LGR4: variants seen among roughly 807,000 people sequenced by gnomAD.
LGR4 encodes the protein leucine-rich repeat-containing G protein-coupled receptor 4.
Under a neutral mutation model 84.8 loss-of-function variants are expected in LGR4, and 44 were observed. The observed-to-expected ratio is 0.52, with a 90% CI of 0.41 to 0.67. The LOEUF (loss-of-function observed/expected upper bound fraction) is 0.67. Ranked by LOEUF, LGR4 falls within the 30% of genes least tolerant of loss-of-function variation. The probability of loss-of-function intolerance (pLI) is 0.00; values close to 1 mark genes in which losing one functional copy is unlikely to be tolerated. For synonymous variants in LGR4, 429 were observed against 434.3 expected (o/e 0.99, Z 0.15); for missense variants, 1,032 against 1,131.4 (o/e 0.91, Z 1.26).
Position 27,412,853 on chromosome 11 carries a change from T to C in LGR4, c.193A>G (p.Ser65Gly). The change falls in exon 2 of 18, where the codon AGT becomes GGT. Residue 65 changes from serine to glycine, a missense_variant. Ser to Gly is a moderately conservative substitution (Grantham distance 56). Transcript: ENST00000379214. The stretch of plus-strand genomic sequence containing the variant: ...GGCAACTGAGTAATGTTGTTCATAC[T>C]GATATCCCTGGAAAACGTAAAGTTA... The part of the protein sequence containing the change: ...LSAFTQALDI[S>G]MNNITQLPED... 3 of 1,596,042 alleles carry C rather than the reference T, an allele frequency of 1.9e-6. No homozygotes were observed. Among genetic ancestry groups the C allele is most frequent in the Non-Finnish European group, 1.7e-6 (2 of 1,164,292 alleles).
At chr11:27,425,842 A>T (rs1319017061) in intron 1 of LGR4, among the ~76,000 whole-genome samples, 1 of 152,138 alleles carries the variant, frequency 6.6e-6, no homozygotes, top group Non-Finnish European at 1.5e-5. Flanking sequence ...AATATGAAAA[A>T]CTTAAACTTA....
intron 2 of LGR4, among the ~76,000 whole-genome samples, chr11:27,411,478 C>CT (rs1427613588): frequency 6.6e-6 from 1 of 150,532 alleles, no homozygotes; most frequent in Non-Finnish European, 1.5e-5. Context: ...TGCTTTTTTT[C>CT]TTATGCACTT....
In LGR4 at chr11:27,367,787, C is replaced by G; in HGVS notation, c.*80G>C. On this transcript the variant is annotated 3_prime_UTR_variant, in exon 18 of 18. Coordinates refer to ENST00000379214, the MANE Select transcript of LGR4 (RefSeq NM_018490.5). ...CAGGCAGTGATTACAGAAGTGCTTC[C>G]CAGATGAAAGATGAGAATAGGGTTC... is the stretch of plus-strand genomic sequence containing the variant. 3.8e-6 allele frequency: 4 copies of G among 1,050,406 alleles called. No homozygotes were observed. Among genetic ancestry groups the G allele is most frequent in the Admixed American group, 2.4e-5 (1 of 41,276 alleles). 65.1% of individuals were successfully genotyped at this position (1,050,406 alleles called of 1,614,324 possible). A position where few individuals can be genotyped will look rare whatever the true frequency, so the allele number is the denominator to read the frequency against.
chr11:27,436,393 G>C (rs1012947012), intron 1 of LGR4, among the ~76,000 whole-genome samples: 1 of 151,014 alleles, frequency 6.6e-6, no homozygotes, highest in Non-Finnish European at 1.5e-5. Context: ...GAGGATGGGA[G>C]GGGAGGGGAG....
Position 27,371,612 on chromosome 11 carries a change from T to G in LGR4, c.1579+3A>C. 5.0e-6 allele frequency: 8 copies of G among 1,603,796 alleles called. No individual in the cohort carries two copies. The highest frequency in any genetic ancestry group is 6.0e-6 in the Non-Finnish European group (7 of 1,172,136). On this transcript the variant is annotated splice_donor_region_variant and intron_variant, in intron 17 of 17. Coordinates refer to ENST00000379214, the MANE Select transcript of LGR4 (RefSeq NM_018490.5). The stretch of plus-strand genomic sequence containing the variant: ...TAACTGTGAAAAAATAGGCCAGGCA[T>G]ACCTGTTGAAGGTGTACAATGGATA...
chr11:27,394,434 ACT>A (rs1863347960), intron 2 of LGR4, among the ~76,000 whole-genome samples: 1 of 151,806 alleles, frequency 6.6e-6, no homozygotes, highest in Non-Finnish European at 1.5e-5. Context: ...ACGGAGTCTC[ACT>A]CTGTCGCCCA....
intron 1 of LGR4, among the ~76,000 whole-genome samples, chr11:27,433,630 C>G (rs1316964043): frequency 1.3e-5 from 2 of 152,150 alleles, no homozygotes; most frequent in East Asian, 3.9e-4. Flanking sequence ...ACCCTATTAT[C>G]ATGTAAGCGG....
At chr11:27,385,871 A>T (rs1863178610) in intron 4 of LGR4, among the ~76,000 whole-genome samples, 1 of 151,988 alleles carries the variant, frequency 6.6e-6, no homozygotes, top group Admixed American at 6.6e-5. Flanking sequence ...CCAATGTTAC[A>T]TTATAACTAA....
chr11:27,423,442 C>G (rs1157559756), intron 1 of LGR4, among the ~76,000 whole-genome samples: 1 of 152,046 alleles, frequency 6.6e-6, no homozygotes, highest in Non-Finnish European at 1.5e-5. Flanking sequence ...CAAACACATA[C>G]CCCACACACA....
At chr11:27,459,312 C>A (rs1864632669) in intron 1 of LGR4, among the ~76,000 whole-genome samples, 1 of 152,130 alleles carries the variant, frequency 6.6e-6, no homozygotes, top group Non-Finnish European at 1.5e-5. Context: ...ACTAGAAACT[C>A]AGGCTCGAGT....
At chr11:27,438,586 T>C (rs1052480474) in intron 1 of LGR4, among the ~76,000 whole-genome samples, 4 of 152,208 alleles carry the variant, frequency 2.6e-5, no homozygotes, top group Non-Finnish European at 5.9e-5. Flanking sequence ...TATAAGGGTG[T>C]TTCTGGATGA....
At chr11:27,371,575 G>A (rs1416136507) in intron 17 of LGR4, 40 bp downstream of exon 17, 1 of 1,396,224 alleles carries the variant, frequency 7.2e-7, no homozygotes, top group Admixed American at 1.7e-5. Flanking sequence ...CCTAATGTTT[G>A]TTTAACATGG....
chr11:27,371,763 C>G (rs536011671), intron 16 of LGR4, 65 bp from the exon 17 acceptor site: 38 of 1,185,942 alleles, frequency 3.2e-5, no homozygotes, highest in Admixed American at 3.0e-4. Flanking sequence ...CCATATTTTC[C>G]TGCAATTTTC....
At chr11:27,378,567 CCTTTA>C in intron 11 of LGR4, 125 bp downstream of exon 11, 1 of 695,226 alleles carries the variant, frequency 1.4e-6, no homozygotes, top group African/African-American at 1.8e-5. Flanking sequence ...AATATCTGCT[CCTTTA>C]CAACAACTAA....
rs1376741369 is a variant in LGR4, at chr11:27,371,669, T to C, written c.1525A>G (p.Thr509Ala). ...TGACTATGTTCTTCATTTTCAAGAG[T>C]GCTTGTGACATTTGCTGCATCAGCA... ...GTADAANVTS[T>A]LENEEHSQII... The change falls in exon 17 of 18, where the codon ACT (threonine) becomes GCT (alanine). Residue 509 changes from threonine to alanine, a missense_variant. Coordinates refer to ENST00000379214, the MANE Select transcript of LGR4 (RefSeq NM_018490.5). The C allele has an allele frequency of 1.9e-6, 3 of 1,613,212 alleles. No homozygotes were observed. Among genetic ancestry groups the C allele is most frequent in the African/African-American group, 1.3e-5 (1 of 75,012 alleles).
At chr11:27,399,236 C>A (rs1407872087) in intron 2 of LGR4, among the ~76,000 whole-genome samples, 1 of 152,052 alleles carries the variant, frequency 6.6e-6, no homozygotes. Context: ...TCTTTCTATA[C>A]CTACTTTTGA....
intron 1 of LGR4, among the ~76,000 whole-genome samples, chr11:27,455,039 C>T (rs1864547918): frequency 6.6e-6 from 1 of 152,142 alleles, no homozygotes; most frequent in South Asian, 2.1e-4. Context: ...CCTTCTCTGT[C>T]TGTCTTTCTT....
intron 15 of LGR4, 92 bp downstream of exon 15, chr11:27,373,459 A>C: frequency 7.8e-7 from 1 of 1,274,094 alleles, no homozygotes; most frequent in Non-Finnish European, 1.1e-6. Context: ...GCCTATCAGA[A>C]AATCTGAGAA....
chr11:27,465,082 C>A (rs1189335059), intron 1 of LGR4, among the ~76,000 whole-genome samples: 1 of 152,228 alleles, frequency 6.6e-6, no homozygotes, highest in Non-Finnish European at 1.5e-5. Flanking sequence ...CTCACTAGCA[C>A]AAACAGCAGG....
Sources: gnomAD v4.1 joint callset for allele counts (sites outside exome capture counted in the v4.1 genomes callset) on GRCh38, gnomAD v4.1.1 for gene constraint, MANE v1.5 for transcripts, NCBI Gene and HGNC (gene_info 2026-07-23, HGNC 2026-07-21) for gene names.